Variants in HYDIN observed in about 807,000 individuals in gnomAD.
The protein encoded by HYDIN is axonemal central pair apparatus protein HYDIN.
A neutral mutation model predicts 403.9 loss-of-function variants in HYDIN; 132 were observed. The observed-to-expected ratio is 0.33, with a 90% CI of 0.28 to 0.38. The LOEUF is 0.38. Among genes scored for constraint, HYDIN ranks in the 10% least tolerant of loss-of-function variants. The pLI is 1.00. For missense variants in HYDIN, 2,827 were observed against 5,009.5 expected, an observed-to-expected ratio of 0.56 and a Z score of 13.15; for synonymous variants, 1,202 against 1,891.7, an observed-to-expected ratio of 0.64 and a Z score of 9.46.
chr16:71,058,778 G>A (rs1054367139), intron 18 of HYDIN, among the ~76,000 whole-genome samples: 15 of 151,878 alleles, frequency 9.9e-5, no homozygotes, highest in Non-Finnish European at 1.3e-4. Context: ...GAGTTTGAAC[G>A]GCATCAGTCC....
chr16:71,167,213 A>T (rs2144617951), intron 5 of HYDIN, among the ~76,000 whole-genome samples: 1 of 152,356 alleles, frequency 6.6e-6, no homozygotes, highest in Admixed American at 6.5e-5. Flanking sequence ...ATGAGGAAGC[A>T]CAAATTGCAC....
intron 13 of HYDIN, among the ~76,000 whole-genome samples, chr16:71,074,753 C>G (rs542748073): frequency 2.0e-5 from 3 of 150,702 alleles, no homozygotes; most frequent in Admixed American, 2.0e-4. Context: ...AAATGCCTCT[C>G]CACATCCTCC....
At chr16:71,048,969 G>T (rs1417054898) in intron 18 of HYDIN, among the ~76,000 whole-genome samples, 9 of 152,294 alleles carry the variant, frequency 5.9e-5, no homozygotes, top group African/African-American at 2.2e-4. Flanking sequence ...ACACTAAAAA[G>T]TAGTTAAGAG....
intron 75 of HYDIN, among the ~76,000 whole-genome samples, chr16:70,841,133 T>A (rs1224973806): frequency 6.6e-6 from 1 of 152,022 alleles, no homozygotes; most frequent in African/African-American, 2.4e-5. Flanking sequence ...ATTTTCTTAT[T>A]CAAAGCTTTT....
chr16:70,818,552 C>T lies in HYDIN; in HGVS notation c.14448G>A (p.Val4816=). The T allele has an allele frequency of 2.5e-6, 3 of 1,199,376 alleles. No homozygotes were observed. Among genetic ancestry groups the T allele is most frequent in the South Asian group, 2.6e-5 (2 of 76,894 alleles). The allele number at this position is 1,199,376 out of a possible 1,614,324, so 74.3% of individuals were successfully genotyped here. Residue 4816 remains valine, a synonymous_variant, in exon 84 of 86, where the codon GTG becomes GTA. Coordinates refer to ENST00000393567, the MANE Select transcript of HYDIN (RefSeq NM_001270974.2). The stretch of plus-strand genomic sequence containing the variant: ...CATTGTAGTACAAGAACTCATTTGT[C>T]ACCTCGTTTCGGAAGATCACCTGCA... The part of the protein sequence containing the change: ...YAAKVIFRNE[V]TNEFLYYNVS...
chr16:71,215,721 G>C (rs1413674420), intron 1 of HYDIN, among the ~76,000 whole-genome samples: 1 of 150,776 alleles, frequency 6.6e-6, no homozygotes, highest in East Asian at 1.9e-4. Context: ...AGGTACTTGT[G>C]ACACATAACC....
At chr16:71,135,084 G>A (rs1483150796) in intron 8 of HYDIN, among the ~76,000 whole-genome samples, 1 of 152,038 alleles carries the variant, frequency 6.6e-6, no homozygotes, top group Admixed American at 6.5e-5. Context: ...CACTTTTCAA[G>A]TCTATTAGTT....
At position 71,069,436 on chromosome 16, in the gene HYDIN, C is replaced by T. The variant is rs533727159; in HGVS notation, c.1805G>A (p.Arg602His). The stretch of plus-strand genomic sequence containing the variant: ...ATGGCCAAGGCCATCCCCAGGGATA[C>T]GCAGTTTGTAAGTCATGGGGATCAA... ...TSLIPMTYKL[R>H]IPGDGLGHKS... is the part of the protein sequence containing the mutation. The change falls in exon 14 of 86, where the codon CGT (arginine) becomes CAT (histidine). Residue 602 changes from arginine to histidine, a missense_variant. Arg to His is a conservative substitution (Grantham distance 29). Transcript: ENST00000393567. 31 of 1,613,940 alleles carry T rather than the reference C, an allele frequency of 1.9e-5. No individual in the cohort carries two copies. The Middle Eastern group carries it at 9.9e-4, about 52-fold the overall frequency.
chr16:71,017,526 C>T (rs914928439), intron 23 of HYDIN, among the ~76,000 whole-genome samples: 1 of 151,912 alleles, frequency 6.6e-6, no homozygotes, highest in Non-Finnish European at 1.5e-5. Context: ...TCATAAATTA[C>T]TCATTCTCAG....
chr16:71,048,438 C>A (rs922103821), intron 18 of HYDIN, among the ~76,000 whole-genome samples: 1 of 126,864 alleles, frequency 7.9e-6, no homozygotes, highest in Non-Finnish European at 1.8e-5. Flanking sequence ...AGTAGCTGTA[C>A]TAATTTACAT....
chr16:71,171,650 C>T (rs1253306373), intron 5 of HYDIN, among the ~76,000 whole-genome samples: 1 of 152,134 alleles, frequency 6.6e-6, no homozygotes, highest in East Asian at 1.9e-4. Flanking sequence ...ATGGATGTGA[C>T]TATCTGGAAA....
chr16:70,980,868 T>C (rs933809333), intron 29 of HYDIN, among the ~76,000 whole-genome samples: 3 of 152,152 alleles, frequency 2.0e-5, no homozygotes, highest in African/African-American at 7.2e-5. Flanking sequence ...TACAAAAGGA[T>C]AGTCCTGGGG....
chr16:71,063,711 C>G (rs1179749576), intron 16 of HYDIN, among the ~76,000 whole-genome samples: 1 of 152,106 alleles, frequency 6.6e-6, no homozygotes, highest in African/African-American at 2.4e-5. Context: ...GTAACAGCCC[C>G]GTGACTTGTG....
intron 85 of HYDIN, among the ~76,000 whole-genome samples, chr16:70,808,521 T>G (rs1025325450): frequency 5.9e-5 from 9 of 152,108 alleles, no homozygotes; most frequent in Non-Finnish European, 1.3e-4. Context: ...ACTCTAATAC[T>G]GTACTGGAAA....
At chr16:70,838,261 A>C in intron 76 of HYDIN, among the ~76,000 whole-genome samples, 1 of 151,686 alleles carries the variant, frequency 6.6e-6, no homozygotes, top group East Asian at 1.9e-4. Flanking sequence ...CATGATCTCA[A>C]CTCACTGCAA....
At chr16:71,139,277 G>C (rs56667773) in intron 7 of HYDIN, among the ~76,000 whole-genome samples, 3 of 150,932 alleles carry the variant, frequency 2.0e-5, no homozygotes, top group South Asian at 4.2e-4. Flanking sequence ...TCAATTTTTT[G>C]GGGGGGGAAA....
intron 10 of HYDIN, 115 bp from the exon 11 acceptor site, chr16:71,094,050 T>C: frequency 2.7e-6 from 2 of 753,670 alleles, no homozygotes; most frequent in Admixed American, 3.0e-5. Flanking sequence ...GCTCCCTGCA[T>C]TGCACCGAGG....
chr16:70,883,739 T>A (rs911907895), intron 59 of HYDIN, among the ~76,000 whole-genome samples, 181 bp downstream of exon 59: 1 of 152,080 alleles, frequency 6.6e-6, no homozygotes, highest in Non-Finnish European at 1.5e-5. Flanking sequence ...CCAGCTAATT[T>A]TTTGTATTTT....
At chr16:71,137,977 A>G (rs1206736795) in intron 7 of HYDIN, among the ~76,000 whole-genome samples, 1 of 152,074 alleles carries the variant, frequency 6.6e-6, no homozygotes. Context: ...TAGTGGCCAC[A>G]TAAAAAGAAG....
Sources: allele counts gnomAD v4.1 joint callset (sites outside exome capture counted in the v4.1 genomes callset), GRCh38; gene constraint gnomAD v4.1.1; transcripts MANE v1.5; gene names NCBI Gene and HGNC (gene_info 2026-07-23, HGNC 2026-07-21).